ATG7: variants seen among roughly 807,000 people sequenced by gnomAD.
ATG7 encodes autophagy related 7.
In ATG7, 70 loss-of-function variants were observed where a neutral mutation model predicts 82.4. The observed-to-expected ratio is 0.85, with a 90% CI of 0.70 to 1.04. The LOEUF is 1.04. ATG7 is among the 50% of genes least tolerant of loss of function. The pLI, the probability that ATG7 is intolerant of heterozygous loss-of-function variation, is 0.00. For synonymous variants in ATG7, 287 were observed against 313.0 expected (o/e 0.92, Z 0.88); for missense variants, 792 against 864.3 (o/e 0.92, Z 1.05).
chr3:11,489,003 G>A (rs1466348388), intron 20 of ATG7, among the ~76,000 whole-genome samples: 2 of 152,006 alleles, frequency 1.3e-5, no homozygotes, highest in Admixed American at 6.6e-5. Flanking sequence ...TGTACCTCTG[G>A]TAGAATTCGG....
chr3:11,417,809 TATTTTA>T (rs1274904035), intron 19 of ATG7, among the ~76,000 whole-genome samples: 803 of 47,046 alleles, frequency 0.017, 20 homozygotes, highest in African/African-American at 0.037. Context: ...TATTTTATTT[TATTTTA>T]TTTTTTTTTT....
rs199991529 is a variant in ATG7 at position 11,369,941 on chromosome 3, A to AT, written c.1875+5211dup. Among the ~76,000 whole-genome samples, 991 of 151,022 alleles carry AT rather than the reference A, an allele frequency of 6.6e-3. 54 individuals are homozygous for AT. The highest frequency in any genetic ancestry group is 0.023 in the African/African-American group (943 of 40,984). On this transcript the variant is annotated intron_variant, in intron 18 of 20. Coordinates refer to ENST00000693202, the MANE Select transcript of ATG7 (RefSeq NM_001349232.2). ...CTGTTAATTTCACATTCAGTATCTC[A>AT]TTTTACAAAACCAGTTGGGGCAGCT...
intron 20 of ATG7, among the ~76,000 whole-genome samples, chr3:11,450,406 T>C (rs1457486994): frequency 6.6e-6 from 1 of 152,362 alleles, no homozygotes; most frequent in East Asian, 1.9e-4. Flanking sequence ...ATTTGTACTT[T>C]GGTAGGTCAT....
chr3:11,321,679 A>G (rs760250202), intron 9 of ATG7, among the ~76,000 whole-genome samples: 40 of 152,178 alleles, frequency 2.6e-4, no homozygotes, highest in Non-Finnish European at 4.0e-4. Flanking sequence ...TCAGTTCCCA[A>G]CAGCTTAATG....
intron 19 of ATG7, among the ~76,000 whole-genome samples, chr3:11,412,522 G>T (rs532076865): frequency 1.3e-5 from 2 of 152,162 alleles, no homozygotes; most frequent in East Asian, 3.9e-4. Flanking sequence ...AATATGTCTT[G>T]TCTTTATGCG....
intron 1 of ATG7, among the ~76,000 whole-genome samples, chr3:11,275,515 ATTTTTTTT>A (rs34040398): frequency 9.2e-6 from 1 of 109,208 alleles, no homozygotes; most frequent in East Asian, 2.7e-4. Flanking sequence ...TGCCCGGCTA[ATTTTTTTT>A]TTTTTTTTTT....
At chr3:11,446,032 T>C (rs2454512) in intron 20 of ATG7, among the ~76,000 whole-genome samples, 129,363 of 151,892 alleles carry the variant, frequency 0.85, 55,284 homozygotes, top group East Asian at 1. Context: ...GACCTAGTTA[T>C]TCACTTGAAA....
intron 20 of ATG7, among the ~76,000 whole-genome samples, chr3:11,449,894 A>C (rs1451589441): frequency 6.6e-6 from 1 of 152,204 alleles, no homozygotes; most frequent in Non-Finnish European, 1.5e-5. Context: ...TGTCTATAAG[A>C]GTTTAAGGGG....
At chr3:11,420,688 A>C (rs1156607449) in intron 19 of ATG7, among the ~76,000 whole-genome samples, 3 of 151,766 alleles carry the variant, frequency 2.0e-5, no homozygotes, top group Non-Finnish European at 4.4e-5. Context: ...ACTATACTGT[A>C]GTCTATTAAG....
intron 3 of ATG7, among the ~76,000 whole-genome samples, chr3:11,286,904 CTTT>C (rs1001546427): frequency 1.3e-4 from 8 of 62,042 alleles, no homozygotes; most frequent in East Asian, 1.6e-3. Context: ...CGCACCCAAC[CTTT>C]TTTTATTATT....
chr3:11,377,048 G>A lies in ATG7; in HGVS notation c.1876-2924G>A, dbSNP rs1405462116. Reference sequence around the variant, plus strand: ...GCCACCGCGCCCGGCCTTGTCTGCCGCCTTTTGTCAGCTATAGGGAGTGGG... The same window carrying A: ...GCCACCGCGCCCGGCCTTGTCTGCCACCTTTTGTCAGCTATAGGGAGTGGG... On this transcript the variant is annotated intron_variant, in intron 18 of 20. Transcript: ENST00000693202. Among the ~76,000 whole-genome samples, 7 of 152,106 alleles carry A rather than the reference G, an allele frequency of 4.6e-5. No individual in the cohort carries two copies. In the East Asian group the frequency reaches 7.7e-4, roughly 17 times the overall value.
In ATG7 at chr3:11,426,791, A is replaced by T. The variant is rs202058873; in HGVS notation, c.1957-13A>T. ...CTGGAGACTCCTTTTTAAAAAATGT[A>T]AATGTTTTACAGGTTCTTGATCAAT... On this transcript the variant is annotated splice_polypyrimidine_tract_variant and intron_variant, in intron 19 of 20. Coordinates refer to ENST00000693202, the MANE Select transcript of ATG7 (RefSeq NM_001349232.2). 1 of 1,556,230 alleles carries T rather than the reference A, an allele frequency of 6.4e-7. No homozygotes were observed. The highest frequency in any genetic ancestry group is 8.7e-7 in the Non-Finnish European group (1 of 1,155,446).
Position 11,484,552 on chromosome 3 carries a change from A to C in ATG7, c.2079+57626A>C, listed in dbSNP as rs187151971. Among the ~76,000 whole-genome samples the C allele has an allele frequency of 6.2e-4, 94 of 151,608 alleles. 2 individuals are homozygous for C. In the East Asian group the frequency reaches 0.011, roughly 17 times the overall value. The stretch of plus-strand genomic sequence containing the variant: ...ATCCAGGATATTTTCTTTTTCTTTT[A>C]TTTTATTATTATTATACTTTAAGTT... On this transcript the variant is annotated intron_variant, in intron 20 of 20. Coordinates refer to ENST00000693202, the MANE Select transcript of ATG7 (RefSeq NM_001349232.2).
At chr3:11,505,621 C>G (rs1041133078) in intron 20 of ATG7, among the ~76,000 whole-genome samples, 10 of 152,210 alleles carry the variant, frequency 6.6e-5, no homozygotes, top group Non-Finnish European at 1.0e-4. Flanking sequence ...AAAGACCACT[C>G]TCAGCCCTCA....
At chr3:11,402,519 A>G (rs1294299395) in intron 19 of ATG7, among the ~76,000 whole-genome samples, 1 of 152,230 alleles carries the variant, frequency 6.6e-6, no homozygotes, top group East Asian at 1.9e-4. Context: ...GCTGGCTAAG[A>G]ATGACTGCAC....
intron 20 of ATG7, among the ~76,000 whole-genome samples, chr3:11,474,873 G>C (rs575183557): frequency 1.3e-5 from 2 of 152,114 alleles, no homozygotes; most frequent in South Asian, 2.1e-4. Flanking sequence ...GGGTGGGAGT[G>C]GGGGGCCGGA....
At chr3:11,344,919 A>G (rs1954266626) in intron 13 of ATG7, among the ~76,000 whole-genome samples, 1 of 152,148 alleles carries the variant, frequency 6.6e-6, no homozygotes, top group Non-Finnish European at 1.5e-5. Flanking sequence ...TCATAAGTCA[A>G]ATTGGTTTAT....
At chr3:11,366,971 CTG>C (rs60183965) in intron 18 of ATG7, among the ~76,000 whole-genome samples, 11,982 of 139,590 alleles carry the variant, frequency 0.086, 496 homozygotes, top group Admixed American at 0.096. Context: ...ATGGGAAAAG[CTG>C]TGTGTGTGTG....
At position 11,384,821 on chromosome 3, in the gene ATG7, T is replaced by C. The variant is rs562612216; in HGVS notation, c.1956+4769T>C. Among the ~76,000 whole-genome samples the C allele has an allele frequency of 1.5e-4, 23 of 151,728 alleles. No homozygotes were observed. The South Asian group carries it at 3.5e-3, about 23-fold the overall frequency. On this transcript the variant is annotated intron_variant, in intron 19 of 20. Transcript: ENST00000693202. ...ACAAAGAATACAAAAATTGGCCAGG[T>C]GTGGTGGCCTATGCCTGTAGTCCCA...
Sources: allele counts gnomAD v4.1 joint callset (sites outside exome capture counted in the v4.1 genomes callset), GRCh38; gene constraint gnomAD v4.1.1; transcripts MANE v1.5; gene names NCBI Gene and HGNC (gene_info 2026-07-23, HGNC 2026-07-21).